STX8: variants seen among roughly 807,000 people sequenced by gnomAD.
The protein encoded by STX8 is syntaxin 8.
STX8 carries 23 observed loss-of-function variants against 37.5 expected under a neutral mutation model. The observed-to-expected ratio is 0.61, with a 90% CI of 0.44 to 0.87. The LOEUF (loss-of-function observed/expected upper bound fraction) is 0.87, where lower values mean the gene tolerates loss of function less well. STX8 is among the 40% of genes least tolerant of loss of function. The pLI, the probability that STX8 is intolerant of heterozygous loss-of-function variation, is 0.00. For synonymous variants in STX8, 115 were observed against 99.1 expected (o/e 1.16, Z -0.95); for missense variants, 313 against 284.7 (o/e 1.10, Z -0.71).
intron 4 of STX8, among the ~76,000 whole-genome samples, chr17:9,528,245 G>C (rs1905659074): frequency 1.3e-5 from 2 of 152,204 alleles, no homozygotes; most frequent in Admixed American, 1.3e-4. Flanking sequence ...TGAGGAGAAA[G>C]GCACTGGAGG....
chr17:9,268,908 C>T (rs1300872567), intron 7 of STX8, among the ~76,000 whole-genome samples: 1 of 152,172 alleles, frequency 6.6e-6, no homozygotes, highest in Non-Finnish European at 1.5e-5. Context: ...TGAGGCCAGG[C>T]CGGGTGCAGT....
chr17:9,256,246 G>C (rs747745874), intron 7 of STX8, among the ~76,000 whole-genome samples: 149 of 152,240 alleles, frequency 9.8e-4, no homozygotes, highest in Non-Finnish European at 4.9e-4. Context: ...CTGCCCACAC[G>C]CTCACCCTTG....
intron 6 of STX8, among the ~76,000 whole-genome samples, chr17:9,482,633 C>T (rs969713888): frequency 6.6e-6 from 1 of 152,094 alleles, no homozygotes; most frequent in Admixed American, 6.6e-5. Flanking sequence ...GTAAAGTCTG[C>T]TTTTAAGAAA....
In STX8 at chr17:9,545,278, G is replaced by C. The variant is rs181705785; in HGVS notation, c.217C>G (p.Gln73Glu). The C allele has an allele frequency of 1.4e-4, 231 of 1,609,488 alleles. No individual in the cohort carries two copies. In the East Asian group the frequency reaches 5.1e-3, roughly 35 times the overall value. Residue 73 changes from glutamine (Q) to glutamate (E), a missense_variant, in exon 4 of 8, where the codon CAG (glutamine) becomes GAG (glutamate). Gln to Glu is a conservative substitution (Grantham distance 29, BLOSUM62 2). Transcript: ENST00000306357. ...TTCTGTCTTCGGTCCCCTTCAAGCT[G>C]TGTTCTGCAGATATCTTGTTAAGGT... ...LRAVSTHQIT[Q>E]LEGDRRQNLL...
At chr17:9,485,593 T>TG (rs1199500545) in intron 6 of STX8, among the ~76,000 whole-genome samples, 3 of 102,000 alleles carry the variant, frequency 2.9e-5, no homozygotes, top group South Asian at 4.7e-4. Flanking sequence ...GTTTTTTGGT[T>TG]TTTTTTTTTT....
At chr17:9,414,147 C>CGTCT (rs1913096313) in intron 6 of STX8, among the ~76,000 whole-genome samples, 1 of 148,400 alleles carries the variant, frequency 6.7e-6, no homozygotes, top group East Asian at 2.0e-4. Flanking sequence ...TCCATCCATC[C>CGTCT]ATCCATCCAT....
chr17:9,376,440 A>C (rs769762662), intron 7 of STX8, among the ~76,000 whole-genome samples: 1 of 152,168 alleles, frequency 6.6e-6, no homozygotes, highest in Non-Finnish European at 1.5e-5. Flanking sequence ...TGTAAAATGG[A>C]CCAATCAGCA....
At chr17:9,502,057 G>A (rs1362717948) in intron 5 of STX8, among the ~76,000 whole-genome samples, 3 of 152,200 alleles carry the variant, frequency 2.0e-5, no homozygotes, top group African/African-American at 7.2e-5. Context: ...GATAACAAGT[G>A]TTGGCAAGAA....
Position 9,378,547 on chromosome 17 carries a change from C to T in STX8, c.643+5G>A, listed in dbSNP as rs1911681119. 3 of 1,612,574 alleles carry T rather than the reference C, an allele frequency of 1.9e-6. No homozygotes were observed. In the Admixed American group the frequency reaches 5.0e-5, roughly 27 times the overall value. ...AAACAGAGCCATAACGTAGCTATCT[C>T]TTACCACAAGAGGCTGACTTTCTGT... On this transcript the variant is annotated splice_donor_5th_base_variant and intron_variant, in intron 7 of 7. Transcript: ENST00000306357.
intron 7 of STX8, among the ~76,000 whole-genome samples, chr17:9,315,912 G>C (rs1909367594): frequency 6.6e-6 from 1 of 151,962 alleles, no homozygotes; most frequent in Admixed American, 6.6e-5. Flanking sequence ...TACTTGGGAG[G>C]CTGAGGCAGG....
At chr17:9,452,807 T>C (rs530070242) in intron 6 of STX8, among the ~76,000 whole-genome samples, 45 of 136,978 alleles carry the variant, frequency 3.3e-4, no homozygotes, top group Admixed American at 1.4e-3. Context: ...GCCCTTGTTT[T>C]TTTTTCTTTT....
chr17:9,332,336 C>T (rs564829507), intron 7 of STX8, among the ~76,000 whole-genome samples: 6 of 152,170 alleles, frequency 3.9e-5, no homozygotes, highest in South Asian at 2.1e-4. Flanking sequence ...TCATCCAAAA[C>T]ACCAATGAAC....
intron 6 of STX8, among the ~76,000 whole-genome samples, chr17:9,455,367 G>C (rs1905158376): frequency 6.6e-6 from 1 of 152,010 alleles, no homozygotes; most frequent in Non-Finnish European, 1.5e-5. Context: ...AGGCATGGTG[G>C]CACGCGCCTG....
chr17:9,575,682 C>T lies in STX8; in HGVS notation c.17+110G>A, dbSNP rs528958203. 123 of 1,333,536 alleles carry T rather than the reference C, an allele frequency of 9.2e-5. No homozygotes were observed. In the African/African-American group the frequency reaches 1.7e-3, roughly 18 times the overall value. 82.6% of individuals were successfully genotyped at this position (1,333,536 alleles called of 1,614,324 possible). On this transcript the variant is annotated intron_variant, in intron 1 of 7. Transcript: ENST00000306357. ...TAAAGGAAAGGTCTCGCTGCCCCTC[C>T]CCTCATCCCGAAAGGCCACCAGCGG... is the stretch of plus-strand genomic sequence containing the variant.
At chr17:9,565,005 C>T (rs989543696) in intron 2 of STX8, among the ~76,000 whole-genome samples, 2 of 151,832 alleles carry the variant, frequency 1.3e-5, no homozygotes, top group African/African-American at 4.8e-5. Flanking sequence ...GTCAGGAGTT[C>T]GAGATCAACC....
intron 7 of STX8, among the ~76,000 whole-genome samples, chr17:9,262,682 A>G (rs1907086902): frequency 6.6e-6 from 1 of 151,936 alleles, no homozygotes; most frequent in Non-Finnish European, 1.5e-5. Flanking sequence ...CCCAGGTTCA[A>G]GCAATTCTCC....
At position 9,516,337 on chromosome 17, in the gene STX8, A is replaced by C. The variant is rs1905160146; in HGVS notation, c.324-11175T>G. Among the ~76,000 whole-genome samples, 3 of 129,078 alleles carry C rather than the reference A, an allele frequency of 2.3e-5. 1 individual carries two copies. The allele number at this position is 129,078 out of a possible 152,430, so 84.7% of individuals were successfully genotyped here. ...TATATATATATATATATATATATAT[A>C]TATATAGACACCTGTTAGAAAATAA... On this transcript the variant is annotated intron_variant, in intron 4 of 7. Coordinates refer to ENST00000306357, the MANE Select transcript of STX8 (RefSeq NM_004853.3).
intron 7 of STX8, among the ~76,000 whole-genome samples, chr17:9,333,582 G>T (rs1262810722): frequency 1.3e-5 from 2 of 152,040 alleles, no homozygotes; most frequent in Non-Finnish European, 2.9e-5. Flanking sequence ...GTAGAGATGG[G>T]GTTTCACTGT....
chr17:9,288,823 C>A (rs116322627), intron 7 of STX8, among the ~76,000 whole-genome samples: 1 of 151,666 alleles, frequency 6.6e-6, no homozygotes, highest in South Asian at 2.1e-4. Context: ...AACCCAATAT[C>A]CAATTAAGGG....
Sources: gnomAD v4.1 joint callset for allele counts (sites outside exome capture counted in the v4.1 genomes callset) on GRCh38, gnomAD v4.1.1 for gene constraint, MANE v1.5 for transcripts, NCBI Gene and HGNC (gene_info 2026-07-23, HGNC 2026-07-21) for gene names.